Variants in STK32B observed in about 807,000 individuals in gnomAD.
STK32B encodes the protein serine/threonine-protein kinase 32B.
STK32B carries 43 observed loss-of-function variants against 52.6 expected under a neutral mutation model. The ratio of observed to expected loss-of-function variants is 0.82; its 90% CI spans 0.64 to 1.05. The LOEUF (loss-of-function observed/expected upper bound fraction) is 1.05. STK32B is among the 50% of genes least tolerant of loss of function. STK32B has a pLI of 0.00. For synonymous variants in STK32B, 238 were observed against 204.3 expected (o/e 1.17, Z -1.41); for missense variants, 621 against 534.6 (o/e 1.16, Z -1.59).
At chr4:5,105,048 G>A (rs1289287378) in intron 1 of STK32B, among the ~76,000 whole-genome samples, 3 of 152,174 alleles carry the variant, frequency 2.0e-5, no homozygotes, top group Admixed American at 6.5e-5. Flanking sequence ...TTTCACTTGC[G>A]ACGTAAGAGG....
At chr4:5,351,526 A>G (rs1241012236) in intron 4 of STK32B, among the ~76,000 whole-genome samples, 1 of 152,090 alleles carries the variant, frequency 6.6e-6, no homozygotes, top group Non-Finnish European at 1.5e-5. Context: ...GAAAGATTTC[A>G]AATAAACAAA....
chr4:5,410,132 C>T (rs930901878), intron 5 of STK32B, among the ~76,000 whole-genome samples: 1 of 152,150 alleles, frequency 6.6e-6, no homozygotes, highest in Non-Finnish European at 1.5e-5. Flanking sequence ...GCCAATGTTA[C>T]AATCAGCGCC....
At chr4:5,208,309 A>G (rs1577195196) in intron 3 of STK32B, among the ~76,000 whole-genome samples, 1 of 152,316 alleles carries the variant, frequency 6.6e-6, no homozygotes, top group South Asian at 2.1e-4. Flanking sequence ...TTGCCTAGAA[A>G]GGAAGGAGCG....
intron 3 of STK32B, among the ~76,000 whole-genome samples, chr4:5,181,353 CACACACACACACACAG>C (rs1016568877): frequency 3.4e-5 from 5 of 145,516 alleles, no homozygotes; most frequent in East Asian, 2.1e-4. Flanking sequence ...CACACACACA[CACACACACACACACAG>C]AGATCTCATT....
chr4:5,446,824 G>A, intron 7 of STK32B, 48 bp downstream of exon 7: 2 of 1,587,472 alleles, frequency 1.3e-6, no homozygotes, highest in Non-Finnish European at 1.7e-6. Context: ...TGCAGTGGGG[G>A]CTCACGTTGT....
chr4:5,123,074 C>G (rs1290579645), intron 1 of STK32B, among the ~76,000 whole-genome samples: 1 of 152,130 alleles, frequency 6.6e-6, no homozygotes, highest in African/African-American at 2.4e-5. Context: ...TCAAACTCAA[C>G]AGGACCCAAG....
At chr4:5,454,812 A>G (rs550269581) in intron 7 of STK32B, among the ~76,000 whole-genome samples, 1 of 152,274 alleles carries the variant, frequency 6.6e-6, no homozygotes, top group South Asian at 2.1e-4. Context: ...GGCTCTCATC[A>G]TTCTAACTAT....
At chr4:5,489,429 T>A (rs978886222) in intron 11 of STK32B, among the ~76,000 whole-genome samples, 3 of 152,158 alleles carry the variant, frequency 2.0e-5, no homozygotes, top group African/African-American at 7.2e-5. Context: ...CTTAATTAAT[T>A]CTATTCATCA....
chr4:5,373,697 G>C (rs1430925197), intron 4 of STK32B, among the ~76,000 whole-genome samples: 2 of 152,132 alleles, frequency 1.3e-5, no homozygotes, highest in African/African-American at 4.8e-5. Context: ...AAATATCTCA[G>C]GAATCCGCCT....
At chr4:5,480,222 A>G (rs903542893) in intron 11 of STK32B, among the ~76,000 whole-genome samples, 15 of 152,342 alleles carry the variant, frequency 9.8e-5, no homozygotes, top group East Asian at 3.9e-4. Flanking sequence ...ACTGTTCACA[A>G]AAAGAGTCAA....
At chr4:5,061,333 C>T (rs547924823) in intron 1 of STK32B, among the ~76,000 whole-genome samples, 30 of 152,056 alleles carry the variant, frequency 2.0e-4, no homozygotes, top group Non-Finnish European at 3.7e-4. Flanking sequence ...TCCGTCGGTT[C>T]TCTTTTATGG....
intron 3 of STK32B, among the ~76,000 whole-genome samples, chr4:5,297,133 C>T (rs1040053963): frequency 1.1e-4 from 17 of 152,180 alleles, no homozygotes; most frequent in Admixed American, 4.6e-4. Flanking sequence ...GTAGGGTTTC[C>T]GCAGAGATAT....
intron 4 of STK32B, among the ~76,000 whole-genome samples, chr4:5,389,705 G>A (rs540929742): frequency 6.6e-6 from 1 of 152,168 alleles, no homozygotes; most frequent in African/African-American, 2.4e-5. Flanking sequence ...TACCTGGAAG[G>A]GCTGTGCAAT....
intron 4 of STK32B, among the ~76,000 whole-genome samples, chr4:5,392,358 G>A (rs546846718): frequency 3.3e-5 from 5 of 152,262 alleles, no homozygotes; most frequent in East Asian, 1.9e-4. Flanking sequence ...TTCAGGAGGC[G>A]GAGGTTGTAA....
At chr4:5,158,772 G>C (rs1718073287) in intron 2 of STK32B, among the ~76,000 whole-genome samples, 1 of 152,116 alleles carries the variant, frequency 6.6e-6, no homozygotes, top group African/African-American at 2.4e-5. Flanking sequence ...CTCTGTGTGT[G>C]TCTCTGTCCC....
chr4:5,047,910 G>A (rs1341502638), upstream of STK32B, among the ~76,000 whole-genome samples: 2 of 152,092 alleles, frequency 1.3e-5, no homozygotes, highest in African/African-American at 4.8e-5. Flanking sequence ...TATCAGGGTG[G>A]GCCCTCAATC....
chr4:5,254,919 T>A (rs1166104421), intron 3 of STK32B, among the ~76,000 whole-genome samples: 1 of 151,474 alleles, frequency 6.6e-6, no homozygotes, highest in African/African-American at 2.4e-5. Flanking sequence ...CAATAAACTT[T>A]CCATATATAG....
chr4:5,122,599 A>G (rs1185595619), intron 1 of STK32B, among the ~76,000 whole-genome samples: 1 of 151,604 alleles, frequency 6.6e-6, no homozygotes, highest in Non-Finnish European at 1.5e-5. Context: ...TCACCCACCC[A>G]CTCACTCACT....
At chr4:5,442,595 T>C (rs1438871045) in intron 6 of STK32B, among the ~76,000 whole-genome samples, 1 of 151,458 alleles carries the variant, frequency 6.6e-6, no homozygotes, top group Non-Finnish European at 1.5e-5. Context: ...GAGCATTTAG[T>C]CCATTTACAT....
Sources: allele counts gnomAD v4.1 joint callset (sites outside exome capture counted in the v4.1 genomes callset), GRCh38; gene constraint gnomAD v4.1.1; transcripts MANE v1.5; gene names NCBI Gene and HGNC (gene_info 2026-07-23, HGNC 2026-07-21).